DGKA: variants seen among roughly 807,000 people sequenced by gnomAD.
DGKA encodes the protein diacylglycerol kinase alpha, also known as 80 kDa diacylglycerol kinase.
In DGKA, 35 loss-of-function variants were observed where a neutral mutation model predicts 105.0. The observed-to-expected ratio is 0.33, with a 90% CI of 0.25 to 0.44. The LOEUF (loss-of-function observed/expected upper bound fraction) is 0.44, where lower values mean the gene tolerates loss of function less well. Among genes scored for constraint, DGKA ranks in the 20% least tolerant of loss-of-function variants. The probability of loss-of-function intolerance (pLI) is 1.00; values close to 1 mark genes in which losing one functional copy is unlikely to be tolerated. For missense variants in DGKA, 665 were observed against 915.0 expected (o/e 0.73, Z 3.53); for synonymous variants, 296 against 332.0 (o/e 0.89, Z 1.18).
In DGKA at chr12:55,940,448, C is replaced by A; in HGVS notation, c.918+15C>A. 1 of 1,613,586 alleles carries A rather than the reference C, an allele frequency of 6.2e-7. No individual in the cohort carries two copies. Among genetic ancestry groups the A allele is most frequent in the Non-Finnish European group, 8.5e-7 (1 of 1,179,798 alleles). On this transcript the variant is annotated intron_variant, in intron 11 of 23. Transcript: ENST00000331886. The surrounding 1 kb of genome is among the most constrained non-coding windows in gnomAD (Gnocchi z 4.3). ...GCCACCTAGAGGTCAGTTTGGGAGC[C>A]ATCCCTTCTGGGTGCGTCTTACCCC...
intron 17 of DGKA, chr12:55,942,629 C>T (rs894137100): frequency 7.8e-6 from 2 of 254,932 alleles, no homozygotes; most frequent in African/African-American, 4.4e-5. Flanking sequence ...GGTCATGACT[C>T]ATTCACTCAT....
intron 4 of DGKA, 45 bp from the exon 5 acceptor site, chr12:55,937,933 A>G (rs370492931): frequency 1.5e-5 from 23 of 1,551,326 alleles, no homozygotes; most frequent in Non-Finnish European, 2.0e-5. Context: ...AACATGAGCC[A>G]AAGTGGAGGG....
upstream of DGKA, chr12:55,930,363 T>TG (rs1467555933): frequency 2.3e-5 from 3 of 133,116 alleles, no homozygotes; most frequent in Non-Finnish European, 3.1e-5. Flanking sequence ...CCTTGTTTTT[T>TG]TTTTTTTTTT....
chr12:55,939,160 A>C, intron 7 of DGKA, 26 bp from the exon 8 acceptor site: 1 of 1,612,162 alleles, frequency 6.2e-7, no homozygotes, highest in Admixed American at 1.7e-5. Context: ...ACTCATACTG[A>C]AAGTCCCTTT....
At position 55,941,175 on chromosome 12, in the gene DGKA, T is replaced by C; in HGVS notation, c.1102-77T>C. On this transcript the variant is annotated intron_variant, in intron 13 of 23. Coordinates refer to ENST00000331886, the MANE Select transcript of DGKA (RefSeq NM_001345.5). ...ATATCTTGGTGGAATGCTAGCCCTCTGCCCCTGTCTCCTGGGCCCACCTTA... is the reference window on the plus strand; with the variant it reads ...ATATCTTGGTGGAATGCTAGCCCTCCGCCCCTGTCTCCTGGGCCCACCTTA... The C allele has an allele frequency of 2.7e-6, 4 of 1,471,818 alleles. No homozygotes were observed. In the South Asian group the frequency reaches 5.0e-5, roughly 19 times the overall value. The allele number at this position is 1,471,818 out of a possible 1,614,324, so 91.2% of individuals were successfully genotyped here.
In DGKA at chr12:55,936,443, C is replaced by A; in HGVS notation, c.-61C>A. ...CCCAGGCCTACCCTCTGAAGAGGTC[C>A]AAGCAACGGAAGTACTACTACGAAG... On this transcript the variant is annotated 5_prime_UTR_variant, in exon 2 of 24. Coordinates refer to ENST00000331886, the MANE Select transcript of DGKA (RefSeq NM_001345.5). 6.3e-7 allele frequency: 1 copy of A among 1,594,362 alleles called. No homozygotes were observed. Among genetic ancestry groups the A allele is most frequent in the Non-Finnish European group, 8.6e-7 (1 of 1,168,674 alleles).
In DGKA at chr12:55,937,967, T is replaced by C. The variant is rs1298382265; in HGVS notation, c.275-11T>C. 14 of 1,613,892 alleles carry C rather than the reference T, an allele frequency of 8.7e-6. No homozygotes were observed. The highest frequency in any genetic ancestry group is 1.2e-5 in the Non-Finnish European group (14 of 1,179,832). On this transcript the variant is annotated splice_polypyrimidine_tract_variant and intron_variant, in intron 4 of 23. Coordinates refer to ENST00000331886, the MANE Select transcript of DGKA (RefSeq NM_001345.5). Reference sequence around the variant, plus strand: ...GGAGCCCTGACTTCTGATCTGCTTTTTTGTAACCAGATGTGGTGTGTCTCA... The same window carrying C: ...GGAGCCCTGACTTCTGATCTGCTTTCTTGTAACCAGATGTGGTGTGTCTCA...
At chr12:55,931,889 G>C (rs1488872857) in intron 1 of DGKA, 2 of 152,082 alleles carry the variant, frequency 1.3e-5, no homozygotes, top group East Asian at 1.9e-4. Flanking sequence ...GGTGGAGCAG[G>C]TTATGGTGAA....
At chr12:55,938,873 G>A in intron 6 of DGKA, 42 bp from the exon 7 acceptor site, 1 of 1,610,048 alleles carries the variant, frequency 6.2e-7, no homozygotes, top group Non-Finnish European at 8.5e-7. Flanking sequence ...GATGGTGGTA[G>A]TAAAGGGGAT....
chr12:55,951,313 G>A (rs902511213), intron 17 of DGKA, among the ~76,000 whole-genome samples: 1 of 152,186 alleles, frequency 6.6e-6, no homozygotes, highest in Non-Finnish European at 1.5e-5. Flanking sequence ...GGGGTCAAGG[G>A]TGAGAGAGGA....
chr12:55,950,828 A>G (rs918928810), intron 17 of DGKA, among the ~76,000 whole-genome samples: 2 of 152,100 alleles, frequency 1.3e-5, no homozygotes, highest in Non-Finnish European at 2.9e-5. Context: ...CCTGCCATGT[A>G]GCTGGGATTA....
chr12:55,942,340 A>G (rs1886190831), intron 17 of DGKA, 77 bp downstream of exon 17: 2 of 1,358,764 alleles, frequency 1.5e-6, no homozygotes, highest in South Asian at 1.2e-5. Context: ...AGAAGAAACT[A>G]GGCATCTGGT....
chr12:55,927,556 G>C (rs1223322013), upstream of DGKA: 1 of 858,460 alleles, frequency 1.2e-6, no homozygotes, highest in African/African-American at 1.7e-5. Flanking sequence ...ACAAACTCCA[G>C]GAACGCACTG....
upstream of DGKA, chr12:55,927,501 C>G: frequency 1.5e-6 from 1 of 687,500 alleles, no homozygotes; most frequent in Non-Finnish European, 2.5e-6. Context: ...TATCCAGGCT[C>G]TGGCCTGCAC....
chr12:55,951,214 C>A (rs553946321), intron 17 of DGKA, among the ~76,000 whole-genome samples: 1 of 152,204 alleles, frequency 6.6e-6, no homozygotes, highest in South Asian at 2.1e-4. Context: ...ACTATTGAAC[C>A]TTTTATTGCA....
chr12:55,940,521 C>G lies in DGKA; in HGVS notation c.918+88C>G. 1 of 1,581,212 alleles carries G rather than the reference C, an allele frequency of 6.3e-7. No homozygotes were observed. Among genetic ancestry groups the G allele is most frequent in the South Asian group, 1.2e-5 (1 of 85,404 alleles). ...CCTCCGGCCACACCTCCTTTACAGG[C>G]ACAGTTGCCCCTGCTCCCAAGGGCT... On this transcript the variant is annotated intron_variant, in intron 11 of 23. Coordinates refer to ENST00000331886, the MANE Select transcript of DGKA (RefSeq NM_001345.5). This position sits in a 1 kb window ranked among gnomAD's most constrained non-coding sequence, Gnocchi z 4.3.
Position 55,941,311 on chromosome 12 carries a change from G to A in DGKA, c.1161G>A (p.Gly387=). The part of the protein sequence containing the change: ...LLVFVNPKSG[G]KQGQRVLWKF... ...TCTTTGTCAATCCTAAGAGTGGCGGGAAGCAGGGGCAAAGGTGAGGAGAAA... is the reference window on the plus strand; with the variant it reads ...TCTTTGTCAATCCTAAGAGTGGCGGAAAGCAGGGGCAAAGGTGAGGAGAAA... Residue 387 remains glycine, a synonymous_variant, in exon 14 of 24, where the codon GGG becomes GGA. Coordinates refer to ENST00000331886, the MANE Select transcript of DGKA (RefSeq NM_001345.5). 4 of 1,613,696 alleles carry A rather than the reference G, an allele frequency of 2.5e-6. No homozygotes were observed. The highest frequency in any genetic ancestry group is 3.4e-6 in the Non-Finnish European group (4 of 1,179,652).
intron 4 of DGKA, 91 bp downstream of exon 4, chr12:55,937,634 G>A (rs769521109): frequency 5.9e-5 from 88 of 1,501,844 alleles, no homozygotes; most frequent in South Asian, 3.2e-4. Context: ...TGAGTCACAC[G>A]TTGTGCAGGT....
At chr12:55,941,895 AG>A in intron 15 of DGKA, 102 bp from the exon 16 acceptor site, 1 of 1,201,148 alleles carries the variant, frequency 8.3e-7, no homozygotes, top group Non-Finnish European at 1.2e-6. Context: ...AAAAAGGAGG[AG>A]GGTCCTACGG....
Sources: allele counts gnomAD v4.1 joint callset (sites outside exome capture counted in the v4.1 genomes callset), GRCh38; gene constraint gnomAD v4.1.1; non-coding constraint Gnocchi (gnomAD v3.1); transcripts MANE v1.5; gene names NCBI Gene and HGNC (gene_info 2026-07-23, HGNC 2026-07-21).